Variants in CTTNBP2 observed in about 807,000 individuals in gnomAD.
The protein encoded by CTTNBP2 is cortactin-binding protein 2.
Under a neutral mutation model 156.9 loss-of-function variants are expected in CTTNBP2, and 108 were observed. That is an observed-to-expected ratio of 0.69 (90% CI 0.59 to 0.81). The LOEUF (loss-of-function observed/expected upper bound fraction) is 0.81. Ranked by LOEUF, CTTNBP2 falls within the 30% of genes least tolerant of loss-of-function variation. The pLI, the probability that CTTNBP2 is intolerant of heterozygous loss-of-function variation, is 0.00. For missense variants in CTTNBP2, 1,924 were observed against 2,035.4 expected (o/e 0.95, Z 1.05); for synonymous variants, 767 against 751.8 (o/e 1.02, Z -0.33).
At chr7:117,768,088 A>C (rs1197617738) in intron 8 of CTTNBP2, among the ~76,000 whole-genome samples, 1 of 37,334 alleles carries the variant, frequency 2.7e-5, no homozygotes, top group Non-Finnish European at 5.4e-5. Flanking sequence ...CACTCCTGTA[A>C]ATGCACACAC....
chr7:117,864,675 TA>T (rs1283772869), intron 1 of CTTNBP2, among the ~76,000 whole-genome samples: 3 of 141,730 alleles, frequency 2.1e-5, no homozygotes, highest in Non-Finnish European at 4.7e-5. Context: ...TATATTCATA[TA>T]TTTATATATA....
At chr7:117,810,313 C>T (rs1344800615) in intron 3 of CTTNBP2, among the ~76,000 whole-genome samples, 6 of 152,076 alleles carry the variant, frequency 3.9e-5, no homozygotes, top group Non-Finnish European at 7.4e-5. Context: ...CATTTCCCCC[C>T]GCCAAAATTA....
chr7:117,744,560 C>T (rs1221676286), intron 14 of CTTNBP2, among the ~76,000 whole-genome samples: 1 of 151,946 alleles, frequency 6.6e-6, no homozygotes, highest in Non-Finnish European at 1.5e-5. Context: ...TGTATATGTA[C>T]CATATTTTCT....
At chr7:117,852,081 T>C (rs563364243) in intron 2 of CTTNBP2, among the ~76,000 whole-genome samples, 3 of 152,236 alleles carry the variant, frequency 2.0e-5, no homozygotes, top group African/African-American at 7.2e-5. Context: ...ATACATCAAT[T>C]ACTTAAAATA....
At chr7:117,713,517 C>A (rs1794174090) in intron 22 of CTTNBP2, among the ~76,000 whole-genome samples, 1 of 152,150 alleles carries the variant, frequency 6.6e-6, no homozygotes, top group South Asian at 2.1e-4. Flanking sequence ...TTAGCAGCTG[C>A]CTTTCTCTCT....
At chr7:117,803,390 A>T (rs1212450353) in intron 3 of CTTNBP2, among the ~76,000 whole-genome samples, 2 of 152,144 alleles carry the variant, frequency 1.3e-5, no homozygotes, top group Non-Finnish European at 2.9e-5. Context: ...ACTCCAAAAG[A>T]GGGGAAAGGG....
At chr7:117,779,571 G>GAATATATACTGAATAC (rs1562998446) in intron 7 of CTTNBP2, among the ~76,000 whole-genome samples, 9 of 151,774 alleles carry the variant, frequency 5.9e-5, no homozygotes, top group African/African-American at 1.9e-4. Flanking sequence ...TATACTGAAT[G>GAATATATACTGAATAC]TGTGTAACAC....
chr7:117,836,549 C>T (rs535337007), intron 2 of CTTNBP2, among the ~76,000 whole-genome samples: 6 of 152,102 alleles, frequency 3.9e-5, no homozygotes, highest in African/African-American at 7.2e-5. Flanking sequence ...GGCGACAGAG[C>T]GAGACTCTGT....
chr7:117,786,931 G>A (rs560849659), intron 4 of CTTNBP2, among the ~76,000 whole-genome samples: 6 of 152,134 alleles, frequency 3.9e-5, no homozygotes, highest in East Asian at 3.9e-4. Context: ...CAGAACTACA[G>A]AAGATATATC....
chr7:117,791,885 C>A lies in CTTNBP2; in HGVS notation c.1311G>T (p.Leu437Phe), dbSNP rs781616799. The change falls in exon 4 of 23, where the codon TTG (leucine) becomes TTT (phenylalanine). Residue 437 changes from leucine (L) to phenylalanine (F), a missense_variant. Transcript: ENST00000160373. The part of the protein sequence containing the change: ...SLHSPCANTS[L>F]HPGLNPRIQA... ...GGATTCGTGGGTTTAGACCTGGATGCAAAGAGGTGTTGGCACATGGTGAAT... is the reference window on the plus strand; with the variant it reads ...GGATTCGTGGGTTTAGACCTGGATGAAAAGAGGTGTTGGCACATGGTGAAT... 1 of 1,614,060 alleles carries A rather than the reference C, an allele frequency of 6.2e-7. No homozygotes were observed. The highest frequency in any genetic ancestry group is 1.1e-5 in the South Asian group (1 of 91,072).
chr7:117,799,701 T>C (rs1379420738), intron 3 of CTTNBP2, among the ~76,000 whole-genome samples: 1 of 152,026 alleles, frequency 6.6e-6, no homozygotes, highest in Non-Finnish European at 1.5e-5. Context: ...AGGCAAATCA[T>C]TTGGAAAGGA....
At chr7:117,798,142 C>T (rs560763363) in intron 3 of CTTNBP2, among the ~76,000 whole-genome samples, 3 of 152,054 alleles carry the variant, frequency 2.0e-5, no homozygotes, top group Admixed American at 6.5e-5. Flanking sequence ...CAGAACCTGA[C>T]AGAAATACAG....
intron 7 of CTTNBP2, among the ~76,000 whole-genome samples, chr7:117,779,449 G>A (rs984017414): frequency 1.3e-5 from 2 of 152,112 alleles, no homozygotes; most frequent in Non-Finnish European, 2.9e-5. Context: ...TAGTTGGAGA[G>A]AATGGATTTC....
intron 9 of CTTNBP2, among the ~76,000 whole-genome samples, chr7:117,763,739 A>C (rs1379141464): frequency 1.3e-5 from 2 of 150,556 alleles, no homozygotes; most frequent in Non-Finnish European, 3.0e-5. Flanking sequence ...CTGGCAATTT[A>C]TTTTTATTTT....
chr7:117,832,571 T>C lies in CTTNBP2; in HGVS notation c.190-21582A>G, dbSNP rs1265206036. Among the ~76,000 whole-genome samples the C allele has an allele frequency of 7.2e-5, 11 of 152,092 alleles. No homozygotes were observed. In the East Asian group the frequency reaches 2.1e-3, roughly 29 times the overall value. ...ACATACTACCACTCATCTCCTCCTT[T>C]CTCCCTGTGAAGCTTTGTATTAACT... On this transcript the variant is annotated intron_variant, in intron 2 of 22. Transcript: ENST00000160373.
At chr7:117,849,313 T>C (rs1438441090) in intron 2 of CTTNBP2, among the ~76,000 whole-genome samples, 1 of 152,196 alleles carries the variant, frequency 6.6e-6, no homozygotes, top group Non-Finnish European at 1.5e-5. Context: ...CCCAGAGGAC[T>C]TGTGGAAACA....
intron 10 of CTTNBP2, among the ~76,000 whole-genome samples, chr7:117,758,326 C>A (rs1331787465): frequency 6.6e-6 from 1 of 151,926 alleles, no homozygotes; most frequent in East Asian, 1.9e-4. Flanking sequence ...AAGCTTGTTT[C>A]TCAAAGCCTG....
rs756578936 is a variant in CTTNBP2 at position 117,791,970 on chromosome 7, G to A, written c.1226C>T (p.Thr409Ile). ...AGGAGCTATGCCTGGTGTTTGAGCG[G>A]TGGGAGGGGCAGCGTTACTGGGAAG... The part of the protein sequence containing the change: ...PPLPSNAAPP[T>I]AQTPGIAPQN... The change falls in exon 4 of 23, where the codon ACC becomes ATC. Residue 409 changes from threonine to isoleucine, a missense_variant. By Grantham distance (89) the Thr-to-Ile change is moderately conservative. Transcript: ENST00000160373. The A allele has an allele frequency of 6.2e-7, 1 of 1,614,024 alleles. No individual in the cohort carries two copies. The highest frequency in any genetic ancestry group is 1.3e-5 in the African/African-American group (1 of 74,910).
chr7:117,863,006 A>T (rs1168384553), intron 1 of CTTNBP2, among the ~76,000 whole-genome samples: 3 of 152,242 alleles, frequency 2.0e-5, no homozygotes, highest in African/African-American at 7.2e-5. Flanking sequence ...TCAGTCAGCC[A>T]ACATGAACAC....
Sources: gnomAD v4.1 joint callset for allele counts (sites outside exome capture counted in the v4.1 genomes callset) on GRCh38, gnomAD v4.1.1 for gene constraint, MANE v1.5 for transcripts, NCBI Gene and HGNC (gene_info 2026-07-23, HGNC 2026-07-21) for gene names.